The following EEF1A2 variants were observed in gnomAD, a reference collection of about 807,000 sequenced individuals.
EEF1A2 encodes eukaryotic translation elongation factor 1 alpha 2.
EEF1A2 carries 5 observed loss-of-function variants against 39.3 expected under a neutral mutation model. That is an observed-to-expected ratio of 0.13 (90% CI 0.07 to 0.27). The LOEUF is 0.27. Among genes scored for constraint, EEF1A2 ranks in the 10% least tolerant of loss-of-function variants. The pLI is 1.00. For synonymous variants in EEF1A2, 287 were observed against 293.7 expected, an observed-to-expected ratio of 0.98 and a Z score of 0.23; for missense variants, 218 against 681.4, an observed-to-expected ratio of 0.32 and a Z score of 7.57.
Position 63,497,983 on chromosome 20 carries a change from A to T in EEF1A2, c.-71-149T>A. Reference sequence around the variant, plus strand: ...TGGGGAGGGAAGGGCCCCCACCCACAGCTGGGCCTGGCCAGGGCAAGCAGA... The same window carrying T: ...TGGGGAGGGAAGGGCCCCCACCCACTGCTGGGCCTGGCCAGGGCAAGCAGA... On this transcript the variant is annotated intron_variant, in intron 1 of 7. Coordinates refer to ENST00000217182, the MANE Select transcript of EEF1A2 (RefSeq NM_001958.5). The surrounding 1 kb of genome is among the most constrained non-coding windows in gnomAD (Gnocchi z 7.3). 1.7e-6 allele frequency: 1 copy of T among 580,298 alleles called. No homozygotes were observed. Among genetic ancestry groups the T allele is most frequent in the Non-Finnish European group, 2.9e-6 (1 of 345,856 alleles). 35.9% of individuals were successfully genotyped at this position (580,298 alleles called of 1,614,324 possible).
intron 7 of EEF1A2, among the ~76,000 whole-genome samples, 179 bp from the exon 8 acceptor site, chr20:63,488,604 A>G (rs1200786200): frequency 4.6e-5 from 7 of 151,336 alleles, no homozygotes; most frequent in Non-Finnish European, 8.9e-5. Flanking sequence ...CGGCTGCTCC[A>G]CGGTCTGCGG....
intron 5 of EEF1A2, among the ~76,000 whole-genome samples, chr20:63,491,658 G>T (rs1346083499): frequency 6.7e-6 from 1 of 148,172 alleles, no homozygotes; most frequent in Non-Finnish European, 1.5e-5. Flanking sequence ...GGGGAGGTGG[G>T]TGGATGGATG....
At chr20:63,493,492 G>A (rs2082401489) in intron 4 of EEF1A2, among the ~76,000 whole-genome samples, 1 of 151,948 alleles carries the variant, frequency 6.6e-6, no homozygotes, top group South Asian at 2.1e-4. Flanking sequence ...CCTCTTAAAA[G>A]GAGGAGGACA....
chr20:63,494,010 G>A (rs142083139), intron 4 of EEF1A2, among the ~76,000 whole-genome samples: 14 of 152,228 alleles, frequency 9.2e-5, no homozygotes, highest in African/African-American at 3.1e-4. Context: ...AAACAACACC[G>A]AGCCTCGTGA....
chr20:63,495,609 C>A (rs1037588850), intron 3 of EEF1A2, among the ~76,000 whole-genome samples: 2 of 152,218 alleles, frequency 1.3e-5, no homozygotes, highest in Non-Finnish European at 2.9e-5. Context: ...CCCATCTGCC[C>A]CCATCTATCT....
At chr20:63,489,281 AG>A (rs1208615498) in intron 6 of EEF1A2, 129 bp from the exon 7 acceptor site, 1 of 849,982 alleles carries the variant, frequency 1.2e-6, no homozygotes, top group Non-Finnish European at 1.8e-6. Context: ...TGCTGACTGG[AG>A]GGGGCTCAGG....
rs767520500 is a variant in EEF1A2, at chr20:63,497,582, C to T, written c.144+38G>A. On this transcript the variant is annotated intron_variant, in intron 2 of 7. Transcript: ENST00000217182. The surrounding 1 kb of genome is among the most constrained non-coding windows in gnomAD (Gnocchi z 7.3). Reference sequence around the variant, plus strand: ...TGGCCACCACGGGAGTTGGGGGTTCCTTCTCAGGGGGCCAAGACCATAGCC... The same window carrying T: ...TGGCCACCACGGGAGTTGGGGGTTCTTTCTCAGGGGGCCAAGACCATAGCC... 1 of 1,590,308 alleles carries T rather than the reference C, an allele frequency of 6.3e-7. No homozygotes were observed. The highest frequency in any genetic ancestry group is 8.6e-7 in the Non-Finnish European group (1 of 1,166,286).
chr20:63,491,997 GATGGATGA>G (rs1277082827), intron 5 of EEF1A2, among the ~76,000 whole-genome samples: 2 of 110,290 alleles, frequency 1.8e-5, no homozygotes, highest in South Asian at 3.1e-4. Flanking sequence ...TGGATGGATG[GATGGATGA>G]GGAGATGAAC....
intron 3 of EEF1A2, among the ~76,000 whole-genome samples, chr20:63,495,389 G>A (rs2082412186): frequency 6.6e-6 from 1 of 152,264 alleles, no homozygotes; most frequent in Non-Finnish European, 1.5e-5. Flanking sequence ...CTCACTTGAG[G>A]ACGGATAGAA....
chr20:63,492,414 A>ATGGATGGATGG (rs2082389972), intron 5 of EEF1A2, among the ~76,000 whole-genome samples: 1 of 146,592 alleles, frequency 6.8e-6, no homozygotes, highest in Non-Finnish European at 1.5e-5. Context: ...GGATGGATGG[A>ATGGATGGATGG]TGGATAGAGA....
At chr20:63,494,347 A>G (rs1327413697) in intron 4 of EEF1A2, among the ~76,000 whole-genome samples, 3 of 152,226 alleles carry the variant, frequency 2.0e-5, no homozygotes, top group Non-Finnish European at 4.4e-5. Flanking sequence ...CAAGCCCAGA[A>G]GCATGCACAC....
chr20:63,495,246 G>A (rs933544620), intron 3 of EEF1A2, 145 bp from the exon 4 acceptor site: 2 of 1,247,094 alleles, frequency 1.6e-6, no homozygotes, highest in African/African-American at 1.5e-5. Context: ...GGAGGCATGG[G>A]GGTCCCCACT....
rs1300592308 is a variant in EEF1A2, at chr20:63,492,211, T to TGGGG, written c.772+925_772+926insCCCC. ...ATAGATGGATGGATGGATGGATGGA[T>TGGGG]AAATGGATGGATGGAAGGATGGATG... On this transcript the variant is annotated intron_variant, in intron 5 of 7. Transcript: ENST00000217182. 9.9e-4 allele frequency among the ~76,000 whole-genome samples: 31 copies of TGGGG among 31,348 alleles called. 5 individuals are homozygous for TGGGG. Among genetic ancestry groups the TGGGG allele is most frequent in the Admixed American group, 7.3e-3 (23 of 3,148 alleles). 20.6% of individuals were successfully genotyped at this position (31,348 alleles called of 152,430 possible).
rs1433999498 is a variant in EEF1A2, at chr20:63,497,197, G to C, written c.144+423C>G. ...AGAAAATGGAGCAGACGGGCCGGCT[G>C]CCCATCAATCAGCTATTAATAGTAG... is the stretch of plus-strand genomic sequence containing the variant. On this transcript the variant is annotated intron_variant, in intron 2 of 7. Coordinates refer to ENST00000217182, the MANE Select transcript of EEF1A2 (RefSeq NM_001958.5). The surrounding 1 kb of genome is among the most constrained non-coding windows in gnomAD (Gnocchi z 7.3). The C allele has an allele frequency of 1.3e-5, 2 of 156,524 alleles. No homozygotes were observed. Among genetic ancestry groups the C allele is most frequent in the African/African-American group, 4.8e-5 (2 of 41,586 alleles). The allele number at this position is 156,524 out of a possible 1,614,324, so 9.7% of individuals were successfully genotyped here.
At chr20:63,492,542 A>ACAGG (rs1600905662) in intron 5 of EEF1A2, among the ~76,000 whole-genome samples, 1 of 148,414 alleles carries the variant, frequency 6.7e-6, no homozygotes, top group African/African-American at 2.5e-5. Context: ...GGAAGGATGG[A>ACAGG]TGGATGGATA....
intron 7 of EEF1A2, 137 bp downstream of exon 7, chr20:63,488,781 C>T: frequency 1.0e-6 from 1 of 985,074 alleles, no homozygotes; most frequent in Non-Finnish European, 1.5e-6. Flanking sequence ...CGTGGCTCTC[C>T]TGCCATGCTC....
At chr20:63,495,485 G>C (rs2082412593) in intron 3 of EEF1A2, among the ~76,000 whole-genome samples, 1 of 152,192 alleles carries the variant, frequency 6.6e-6, no homozygotes. Flanking sequence ...GTGCGTCTCT[G>C]TGAGTGCCCT....
rs1430868348 is a variant in EEF1A2 at position 63,488,433 on chromosome 20, G to A, written c.1265-8C>T. The stretch of plus-strand genomic sequence containing the variant: ...CGCGCACGGCGAAGCGGCCTGGGGG[G>A]CGGGGGGCGGCGTGTGGGCGGGGCC... On this transcript the variant is annotated splice_polypyrimidine_tract_variant and splice_region_variant and intron_variant, in intron 7 of 7. Coordinates refer to ENST00000217182, the MANE Select transcript of EEF1A2 (RefSeq NM_001958.5). The A allele has an allele frequency of 3.5e-6, 5 of 1,439,438 alleles. No individual in the cohort carries two copies. The highest frequency in any genetic ancestry group is 2.7e-6 in the Non-Finnish European group (3 of 1,098,070). The allele number at this position is 1,439,438 out of a possible 1,614,324, so 89.2% of individuals were successfully genotyped here. A position where few individuals can be genotyped will look rare whatever the true frequency, so the allele number is the denominator to read the frequency against.
intron 5 of EEF1A2, among the ~76,000 whole-genome samples, chr20:63,492,487 T>C (rs866491626): frequency 6.4e-3 from 912 of 142,304 alleles, no homozygotes; most frequent in Middle Eastern, 0.015. Context: ...GATGGATGGA[T>C]GGATGGACAG....
Sources: gnomAD v4.1 joint callset for allele counts (sites outside exome capture counted in the v4.1 genomes callset) on GRCh38, gnomAD v4.1.1 for gene constraint, Gnocchi (gnomAD v3.1) non-coding constraint, MANE v1.5 for transcripts, NCBI Gene and HGNC (gene_info 2026-07-23, HGNC 2026-07-21) for gene names.